Variants in PITPNA observed in about 807,000 individuals in gnomAD.
The protein encoded by PITPNA is phosphatidylinositol transfer protein alpha isoform.
A neutral mutation model predicts 50.3 loss-of-function variants in PITPNA; 13 were observed. The ratio of observed to expected loss-of-function variants is 0.26; its 90% CI spans 0.17 to 0.41. The LOEUF (loss-of-function observed/expected upper bound fraction) is 0.41. PITPNA is among the 10% of genes least tolerant of loss of function. PITPNA has a pLI of 1.00. For missense variants in PITPNA, 207 were observed against 333.4 expected, an observed-to-expected ratio of 0.62 and a Z score of 2.95; for synonymous variants, 120 against 119.6, an observed-to-expected ratio of 1.00 and a Z score of -0.02.
chr17:1,557,415 G>A (rs2075740746), intron 2 of PITPNA, among the ~76,000 whole-genome samples: 1 of 152,214 alleles, frequency 6.6e-6, no homozygotes, highest in Non-Finnish European at 1.5e-5. Flanking sequence ...TGCTGACACT[G>A]CAGGAAAGAG....
At chr17:1,560,477 G>A (rs2075762832) in intron 1 of PITPNA, among the ~76,000 whole-genome samples, 1 of 152,182 alleles carries the variant, frequency 6.6e-6, no homozygotes, top group Non-Finnish European at 1.5e-5. Context: ...CAGATACCAG[G>A]CAGGCCCTGC....
chr17:1,542,527 G>C (rs962205020), intron 5 of PITPNA, among the ~76,000 whole-genome samples: 2 of 152,166 alleles, frequency 1.3e-5, no homozygotes, highest in African/African-American at 2.4e-5. Context: ...CAGTTTCCCA[G>C]AGACAGCCAG....
chr17:1,550,041 T>C (rs1370297424), intron 3 of PITPNA, among the ~76,000 whole-genome samples: 3 of 152,192 alleles, frequency 2.0e-5, no homozygotes, highest in Non-Finnish European at 4.4e-5. Context: ...TCAGCTTTAG[T>C]GCCTCAGGCC....
intron 7 of PITPNA, chr17:1,538,571 C>A: frequency 4.3e-6 from 1 of 235,228 alleles, no homozygotes; most frequent in Non-Finnish European, 8.2e-6. Context: ...AGTGGTGCTC[C>A]GATTTTTCAG....
At position 1,535,495 on chromosome 17, in the gene PITPNA, T is replaced by A; in HGVS notation, c.480A>T (p.Pro160=). ...CTGTTTTGATAGATTTAAATTTTGC[T>A]GGGTCTTCCTCTGCCTTGTAATCCT... ...LSKDYKAEED[P]AKFKSIKTGR... is the part of the protein sequence containing the mutation. The change falls in exon 8 of 12, where the codon CCA becomes CCT. Residue 160 remains proline (P), a synonymous_variant. Transcript: ENST00000313486. 6.2e-7 allele frequency: 1 copy of A among 1,613,316 alleles called. No individual in the cohort carries two copies. Among genetic ancestry groups the A allele is most frequent in the Non-Finnish European group, 8.5e-7 (1 of 1,179,260 alleles).
At chr17:1,553,462 A>G (rs1306706144) in intron 2 of PITPNA, among the ~76,000 whole-genome samples, 1 of 152,056 alleles carries the variant, frequency 6.6e-6, no homozygotes, top group Non-Finnish European at 1.5e-5. Flanking sequence ...GCTGGTCTCA[A>G]AACTCCTGGT....
intron 6 of PITPNA, among the ~76,000 whole-genome samples, chr17:1,540,136 C>T (rs576350256): frequency 6.6e-6 from 1 of 152,344 alleles, no homozygotes; most frequent in South Asian, 2.1e-4. Context: ...CCCGGCTGTA[C>T]AGACTGTAAA....
At chr17:1,558,803 C>G (rs1386078526) in intron 1 of PITPNA, among the ~76,000 whole-genome samples, 1 of 133,482 alleles carries the variant, frequency 7.5e-6, no homozygotes, top group Non-Finnish European at 1.6e-5. Flanking sequence ...GAGAATGGCC[C>G]TCTTAGTGCT....
intron 3 of PITPNA, among the ~76,000 whole-genome samples, chr17:1,552,447 G>A (rs2075714532): frequency 1.3e-5 from 2 of 152,150 alleles, no homozygotes; most frequent in African/African-American, 2.4e-5. Flanking sequence ...ATGGATTCCA[G>A]TACACAAATC....
At chr17:1,521,719 T>C (rs2075513944) in intron 10 of PITPNA, 74 bp from the exon 11 acceptor site, 1 of 1,245,826 alleles carries the variant, frequency 8.0e-7, no homozygotes, top group Non-Finnish European at 1.2e-6. Context: ...GTCCTGCCCA[T>C]AGGTGGGGTG....
intron 2 of PITPNA, among the ~76,000 whole-genome samples, chr17:1,557,611 T>G (rs2075741957): frequency 6.6e-6 from 1 of 152,104 alleles, no homozygotes; most frequent in Non-Finnish European, 1.5e-5. Flanking sequence ...CCGTGACAGT[T>G]TTCCGTTGTC....
chr17:1,546,014 G>A (rs1179156261), intron 4 of PITPNA, among the ~76,000 whole-genome samples: 3 of 138,730 alleles, frequency 2.2e-5, no homozygotes, highest in African/African-American at 8.1e-5. Flanking sequence ...TGTAACCTCC[G>A]CCTCCCAGGT....
chr17:1,521,743 G>A, intron 10 of PITPNA, 98 bp from the exon 11 acceptor site: 4 of 974,966 alleles, frequency 4.1e-6, no homozygotes, highest in Non-Finnish European at 6.6e-6. Context: ...CATATTTTGT[G>A]TAAAAAGCAA....
At chr17:1,549,065 G>A (rs535922133) in intron 3 of PITPNA, among the ~76,000 whole-genome samples, 14 of 151,970 alleles carry the variant, frequency 9.2e-5, no homozygotes, top group African/African-American at 1.5e-4. Context: ...GCGCCACCAC[G>A]CCCAGCTAAT....
At position 1,535,516 on chromosome 17, in the gene PITPNA, A is replaced by C. The variant is rs1430738304; in HGVS notation, c.459T>G (p.Asp153Glu). 6.2e-7 allele frequency: 1 copy of C among 1,609,804 alleles called. No homozygotes were observed. The highest frequency in any genetic ancestry group is 2.2e-5 in the East Asian group (1 of 44,876). ...IADRSQVLSK[D>E]YKAEEDPAKF... ...TTGCTGGGTCTTCCTCTGCCTTGTA[A>C]TCCTGAGAGAAATTGTGGAATTGGG... The change falls in exon 8 of 12, where the codon GAT becomes GAG. Residue 153 changes from aspartate (D) to glutamate (E), a missense_variant and splice_region_variant. By Grantham distance (45) the Asp-to-Glu change is conservative. Coordinates refer to ENST00000313486, the MANE Select transcript of PITPNA (RefSeq NM_006224.4).
intron 6 of PITPNA, among the ~76,000 whole-genome samples, chr17:1,540,840 C>A (rs549448934): frequency 6.6e-6 from 1 of 152,314 alleles, no homozygotes; most frequent in African/African-American, 2.4e-5. Context: ...CTGCCTCGGC[C>A]TCCCAAAGTG....
chr17:1,537,839 C>T (rs1443673772), intron 7 of PITPNA, among the ~76,000 whole-genome samples: 4 of 151,896 alleles, frequency 2.6e-5, no homozygotes, highest in South Asian at 2.1e-4. Flanking sequence ...CTCGCTGTGT[C>T]GCCCAGGCTG....
intron 10 of PITPNA, among the ~76,000 whole-genome samples, chr17:1,523,505 C>CT (rs11401118): frequency 0.27 from 31,305 of 117,332 alleles, 5,655 homozygotes; most frequent in Middle Eastern, 0.41. Context: ...CCACGCCTGG[C>CT]TTTTTTTTTT....
chr17:1,535,413 C>T (rs754225051), intron 8 of PITPNA, 28 bp downstream of exon 8: 1 of 1,584,602 alleles, frequency 6.3e-7, no homozygotes, highest in African/African-American at 1.3e-5. Context: ...GCTGCCCAGC[C>T]CCCTGGCAGT....
Sources: gnomAD v4.1 joint callset for allele counts (sites outside exome capture counted in the v4.1 genomes callset) on GRCh38, gnomAD v4.1.1 for gene constraint, MANE v1.5 for transcripts, NCBI Gene and HGNC (gene_info 2026-07-23, HGNC 2026-07-21) for gene names.